DLG2: variants seen among roughly 807,000 people sequenced by gnomAD.
The protein encoded by DLG2 is discs large MAGUK scaffold protein 2.
DLG2 carries 45 observed loss-of-function variants against 132.5 expected under a neutral mutation model. That is an observed-to-expected ratio of 0.34 (90% CI 0.27 to 0.44). The LOEUF (loss-of-function observed/expected upper bound fraction) is 0.44. Among genes scored for constraint, DLG2 ranks in the 20% least tolerant of loss-of-function variants. The pLI is 1.00. For synonymous variants in DLG2, 424 were observed against 419.6 expected, an observed-to-expected ratio of 1.01 and a Z score of -0.13; for missense variants, 1,045 against 1,196.9, an observed-to-expected ratio of 0.87 and a Z score of 1.87.
At chr11:85,365,035 A>G (rs2084435253) in intron 3 of DLG2, among the ~76,000 whole-genome samples, 1 of 152,124 alleles carries the variant, frequency 6.6e-6, no homozygotes, top group African/African-American at 2.4e-5. Flanking sequence ...ACAGACAAAA[A>G]TGTAAGAATA....
intron 4 of DLG2, among the ~76,000 whole-genome samples, chr11:85,209,445 CTTTTTTTT>C (rs1164394816): frequency 6.7e-5 from 5 of 74,434 alleles, no homozygotes; most frequent in African/African-American, 1.6e-4. Flanking sequence ...AGAAATCAGT[CTTTTTTTT>C]TTTTTTTTTT....
intron 3 of DLG2, among the ~76,000 whole-genome samples, chr11:85,429,773 G>C (rs1597274683): frequency 6.6e-6 from 1 of 152,216 alleles, no homozygotes; most frequent in East Asian, 1.9e-4. Flanking sequence ...CTGTAAACTA[G>C]TTCAACCATT....
chr11:84,066,943 A>G (rs1208223507), intron 10 of DLG2, among the ~76,000 whole-genome samples: 3 of 152,190 alleles, frequency 2.0e-5, no homozygotes, highest in Non-Finnish European at 4.4e-5. Context: ...CATCATGAAG[A>G]AAGCTGATCA....
chr11:84,760,307 G>A (rs1356903603), intron 6 of DLG2, among the ~76,000 whole-genome samples: 1 of 152,198 alleles, frequency 6.6e-6, no homozygotes, highest in Non-Finnish European at 1.5e-5. Context: ...TTCGGCTTTA[G>A]CCTTCTGAGT....
rs190367245 is a variant in DLG2, at chr11:84,103,993, T to G, written c.625-4946A>C. Reference sequence around the variant, plus strand: ...TCCTAAAGAAATAATCAGAGAAACATGAAAAGATTTGTGTTCAAGGTTTGT... The same window carrying G: ...TCCTAAAGAAATAATCAGAGAAACAGGAAAAGATTTGTGTTCAAGGTTTGT... On this transcript the variant is annotated intron_variant, in intron 9 of 27. Coordinates refer to ENST00000376104, the MANE Select transcript of DLG2 (RefSeq NM_001142699.3). Among the ~76,000 whole-genome samples, 43 of 152,174 alleles carry G rather than the reference T, an allele frequency of 2.8e-4. 1 individual carries two copies. Among genetic ancestry groups the G allele is most frequent in the Middle Eastern group, 3.4e-3 (1 of 294 alleles).
At chr11:84,877,478 T>C (rs889573155) in intron 6 of DLG2, among the ~76,000 whole-genome samples, 4 of 151,348 alleles carry the variant, frequency 2.6e-5, no homozygotes, top group Admixed American at 1.3e-4. Context: ...TGGTTTAAAG[T>C]CTGTTTTATC....
At position 84,491,902 on chromosome 11, in the gene DLG2, C is replaced by T. The variant is rs569258772; in HGVS notation, c.519+42668G>A. ...GATTAAGCTCCTTTCCCAAGATCCA[C>T]ATTCACATTTCAATCTTTTGACTTT... On this transcript the variant is annotated intron_variant, in intron 7 of 27. Transcript: ENST00000376104. Among the ~76,000 whole-genome samples, 43 of 152,244 alleles carry T rather than the reference C, an allele frequency of 2.8e-4. No individual in the cohort carries two copies. In the South Asian group the frequency reaches 6.2e-3, roughly 22 times the overall value.
At chr11:85,019,990 G>A (rs2059904071) in intron 6 of DLG2, among the ~76,000 whole-genome samples, 1 of 152,096 alleles carries the variant, frequency 6.6e-6, no homozygotes, top group African/African-American at 2.4e-5. Flanking sequence ...CCCAGTAATG[G>A]GATGGCTGGG....
At chr11:84,176,240 T>C (rs2095962673) in intron 8 of DLG2, among the ~76,000 whole-genome samples, 1 of 151,432 alleles carries the variant, frequency 6.6e-6, no homozygotes, top group Admixed American at 6.6e-5. Flanking sequence ...AATAAGCCAA[T>C]AGCAGACCTG....
intron 7 of DLG2, among the ~76,000 whole-genome samples, chr11:84,452,759 A>G (rs555742337): frequency 1.3e-5 from 2 of 151,732 alleles, no homozygotes; most frequent in East Asian, 2.0e-4. Context: ...TGTAAGAAAC[A>G]TAAGAAGTTA....
chr11:83,489,691 A>C (rs2138067145), intron 21 of DLG2, among the ~76,000 whole-genome samples: 1 of 150,988 alleles, frequency 6.6e-6, no homozygotes, highest in Non-Finnish European at 1.5e-5. Context: ...GGAGGGATGT[A>C]GTACTTATGT....
intron 15 of DLG2, among the ~76,000 whole-genome samples, chr11:83,920,360 G>C (rs910483673): frequency 1.3e-5 from 2 of 151,974 alleles, no homozygotes; most frequent in Admixed American, 6.6e-5. Context: ...TCTTCTCTGA[G>C]AGGCAGATTT....
intron 7 of DLG2, among the ~76,000 whole-genome samples, chr11:84,308,599 G>C (rs2098253233): frequency 6.6e-6 from 1 of 152,186 alleles, no homozygotes; most frequent in South Asian, 2.1e-4. Context: ...CGTGGAGCAG[G>C]GGGCGGCGCT....
chr11:83,478,711 G>A (rs1447557525), intron 22 of DLG2, among the ~76,000 whole-genome samples: 1 of 152,004 alleles, frequency 6.6e-6, no homozygotes, highest in Admixed American at 6.6e-5. Flanking sequence ...GAAAGATAAA[G>A]CATGATGCTT....
At chr11:83,680,707 G>C (rs2078635366) in intron 18 of DLG2, among the ~76,000 whole-genome samples, 1 of 152,002 alleles carries the variant, frequency 6.6e-6, no homozygotes, top group African/African-American at 2.4e-5. Flanking sequence ...AAAGAAGCAT[G>C]AACAAAAAAG....
chr11:84,002,904 T>C (rs747239328), intron 11 of DLG2, among the ~76,000 whole-genome samples: 2 of 152,212 alleles, frequency 1.3e-5, no homozygotes, highest in Non-Finnish European at 2.9e-5. Context: ...TTTCAAACTT[T>C]TATGCTCTGT....
chr11:84,932,734 AT>A (rs2048248950), intron 6 of DLG2, among the ~76,000 whole-genome samples: 1 of 152,030 alleles, frequency 6.6e-6, no homozygotes, highest in Non-Finnish European at 1.5e-5. Flanking sequence ...GTATATATAT[AT>A]ATACTACATT....
chr11:85,032,698 T>TA (rs1465353408), intron 6 of DLG2, among the ~76,000 whole-genome samples: 2 of 152,164 alleles, frequency 1.3e-5, no homozygotes, highest in Non-Finnish European at 2.9e-5. Flanking sequence ...TTCTAGTTTT[T>TA]ACCACCTAAT....
At chr11:83,727,657 A>C (rs2090271046) in intron 18 of DLG2, among the ~76,000 whole-genome samples, 1 of 152,190 alleles carries the variant, frequency 6.6e-6, no homozygotes, top group Non-Finnish European at 1.5e-5. Flanking sequence ...AATATAGTCC[A>C]TGTAAAATAT....
Sources: gnomAD v4.1 joint callset for allele counts (sites outside exome capture counted in the v4.1 genomes callset) on GRCh38, gnomAD v4.1.1 for gene constraint, MANE v1.5 for transcripts, NCBI Gene and HGNC (gene_info 2026-07-23, HGNC 2026-07-21) for gene names.